Variants in ST3GAL2 observed in about 807,000 individuals in gnomAD.
ST3GAL2 encodes ST3 beta-galactoside alpha-2,3-sialyltransferase 2.
ST3GAL2 carries 16 observed loss-of-function variants against 37.5 expected under a neutral mutation model. That is an observed-to-expected ratio of 0.43 (90% CI 0.29 to 0.65). ST3GAL2 has a LOEUF of 0.65. Among genes scored for constraint, ST3GAL2 ranks in the 30% least tolerant of loss-of-function variants. The pLI is 0.17. For missense variants in ST3GAL2, 383 were observed against 487.8 expected (o/e 0.79, Z 2.02); for synonymous variants, 238 against 202.9 (o/e 1.17, Z -1.47).
chr16:70,399,691 T>C (rs543502180), intron 1 of ST3GAL2, 158 bp from the exon 2 acceptor site: 16 of 364,378 alleles, frequency 4.4e-5, no homozygotes, highest in African/African-American at 3.3e-4. Context: ...GCTGCACAGA[T>C]AGCATCACTG....
intron 1 of ST3GAL2, among the ~76,000 whole-genome samples, chr16:70,436,125 C>CAA (rs796840062): frequency 1.1e-4 from 14 of 129,348 alleles, no homozygotes; most frequent in African/African-American, 3.6e-4. Context: ...GACTCTATCT[C>CAA]AAAAAAAAAA....
At chr16:70,396,776 G>A (rs1466103198) in intron 2 of ST3GAL2, among the ~76,000 whole-genome samples, 2 of 152,118 alleles carry the variant, frequency 1.3e-5, no homozygotes, top group African/African-American at 4.8e-5. Flanking sequence ...GTGCTGACAT[G>A]GCTCCACCCA....
In ST3GAL2 at chr16:70,395,729, C is replaced by T. The variant is rs145000902; in HGVS notation, c.340-554G>A. On this transcript the variant is annotated intron_variant, in intron 2 of 6. Transcript: ENST00000342907. ...TACCAGCGAGACCTGTACCAACCAA[C>T]TAATGGTCAAAGACCATGAAACGAG... Among the ~76,000 whole-genome samples the T allele has an allele frequency of 1.4e-3, 211 of 152,310 alleles. 5 individuals carry two copies. Among genetic ancestry groups the T allele is most frequent in the African/African-American group, 4.6e-3 (192 of 41,578 alleles).
At chr16:70,432,221 T>C (rs2151681503) in intron 1 of ST3GAL2, among the ~76,000 whole-genome samples, 1 of 152,284 alleles carries the variant, frequency 6.6e-6, no homozygotes, top group East Asian at 1.9e-4. Flanking sequence ...GTTCACCTTA[T>C]TGTACATGGT....
chr16:70,394,468 C>G (rs1253320510), intron 3 of ST3GAL2, among the ~76,000 whole-genome samples: 1 of 152,138 alleles, frequency 6.6e-6, no homozygotes, highest in African/African-American at 2.4e-5. Flanking sequence ...GCCTCAAACT[C>G]CTGGGTTCAA....
intron 1 of ST3GAL2, among the ~76,000 whole-genome samples, chr16:70,437,930 G>A (rs1253115252): frequency 6.6e-6 from 1 of 152,066 alleles, no homozygotes; most frequent in Non-Finnish European, 1.5e-5. Flanking sequence ...GTACTCCCCC[G>A]GAGGCTTTGA....
chr16:70,408,924 A>AAAAAAAAAAAAAAAG (rs2047615018), intron 1 of ST3GAL2, among the ~76,000 whole-genome samples: 1 of 135,366 alleles, frequency 7.4e-6, no homozygotes. Context: ...AAAAAAAAAA[A>AAAAAAAAAAAAAAAG]AAAGAAAGAA....
chr16:70,404,864 T>G (rs2047578747), intron 1 of ST3GAL2, among the ~76,000 whole-genome samples: 1 of 151,928 alleles, frequency 6.6e-6, no homozygotes, highest in Non-Finnish European at 1.5e-5. Flanking sequence ...AAACCCCATC[T>G]CTGTTAAAAA....
chr16:70,381,612 G>C lies in ST3GAL2; in HGVS notation c.*77C>G. The C allele has an allele frequency of 6.5e-7, 1 of 1,533,498 alleles. No individual in the cohort carries two copies. Among genetic ancestry groups the C allele is most frequent in the Non-Finnish European group, 8.8e-7 (1 of 1,137,292 alleles). 95.0% of individuals were successfully genotyped at this position (1,533,498 alleles called of 1,614,324 possible). A position where few individuals can be genotyped will look rare whatever the true frequency, so the allele number is the denominator to read the frequency against. On this transcript the variant is annotated 3_prime_UTR_variant, in exon 7 of 7. Transcript: ENST00000342907. Reference sequence around the variant, plus strand: ...CCTGGGCTGCAGCATGATTGGTCGCGGGTTGCTGGTCCTGGGTCCCGGGCC... The same window carrying C: ...CCTGGGCTGCAGCATGATTGGTCGCCGGTTGCTGGTCCTGGGTCCCGGGCC...
intron 5 of ST3GAL2, 54 bp from the exon 6 acceptor site, chr16:70,382,978 G>A: frequency 1.3e-6 from 2 of 1,598,456 alleles, no homozygotes; most frequent in Non-Finnish European, 8.5e-7. Context: ...AGAGATTCAG[G>A]CTAGACTGAG....
rs1369211880 is a variant in ST3GAL2 at position 70,381,634 on chromosome 16, G to A, written c.*55C>T. 1.4e-5 allele frequency: 22 copies of A among 1,588,076 alleles called. No homozygotes were observed. The highest frequency in any genetic ancestry group is 1.8e-5 in the Non-Finnish European group (21 of 1,167,538). The stretch of plus-strand genomic sequence containing the variant: ...CGCGGGTTGCTGGTCCTGGGTCCCG[G>A]GCCGGAGCCCCGGTGCCCGATAGAT... On this transcript the variant is annotated 3_prime_UTR_variant, in exon 7 of 7. Transcript: ENST00000342907.
intron 1 of ST3GAL2, among the ~76,000 whole-genome samples, chr16:70,429,275 A>G (rs1405422335): frequency 6.6e-6 from 1 of 152,158 alleles, no homozygotes; most frequent in Non-Finnish European, 1.5e-5. Context: ...GCTTCTGTCA[A>G]TCAGGTTGAC....
intron 4 of ST3GAL2, among the ~76,000 whole-genome samples, chr16:70,385,536 T>C (rs918669913): frequency 6.6e-6 from 1 of 151,990 alleles, no homozygotes; most frequent in Admixed American, 6.6e-5. Flanking sequence ...GCAAATGTTA[T>C]ATTGTGTATA....
chr16:70,432,059 G>A (rs1172192807), intron 1 of ST3GAL2, among the ~76,000 whole-genome samples: 1 of 151,706 alleles, frequency 6.6e-6, no homozygotes, highest in East Asian at 1.9e-4. Flanking sequence ...AGCTGAGGTG[G>A]AAGGACCACT....
At chr16:70,419,071 C>G (rs952063214) in intron 1 of ST3GAL2, among the ~76,000 whole-genome samples, 4 of 152,190 alleles carry the variant, frequency 2.6e-5, no homozygotes, top group African/African-American at 9.6e-5. Flanking sequence ...ATGTCAACAT[C>G]AAGGCTGGAC....
chr16:70,391,095 G>A (rs983034243), intron 3 of ST3GAL2, among the ~76,000 whole-genome samples: 3 of 152,180 alleles, frequency 2.0e-5, no homozygotes, highest in African/African-American at 7.2e-5. Flanking sequence ...CCAGCTAGCT[G>A]GGCTGGGTGA....
chr16:70,394,249 C>T (rs935830790), intron 3 of ST3GAL2, among the ~76,000 whole-genome samples: 3 of 152,222 alleles, frequency 2.0e-5, no homozygotes, highest in Non-Finnish European at 2.9e-5. Flanking sequence ...TCAGCACCCA[C>T]AACATCTGCC....
intron 1 of ST3GAL2, among the ~76,000 whole-genome samples, chr16:70,428,726 C>G (rs2047768244): frequency 6.6e-6 from 1 of 152,212 alleles, no homozygotes. Context: ...CTTTTCCTCA[C>G]TACCTTCCTC....
chr16:70,384,195 C>T (rs2047425729), intron 4 of ST3GAL2, among the ~76,000 whole-genome samples: 1 of 152,008 alleles, frequency 6.6e-6, no homozygotes, highest in Admixed American at 6.6e-5. Flanking sequence ...TGATGATACC[C>T]AAAAGGTAGA....
Sources: gnomAD v4.1 joint callset for allele counts (sites outside exome capture counted in the v4.1 genomes callset) on GRCh38, gnomAD v4.1.1 for gene constraint, MANE v1.5 for transcripts, NCBI Gene and HGNC (gene_info 2026-07-23, HGNC 2026-07-21) for gene names.